CPA6: variants seen among roughly 807,000 people sequenced by gnomAD.
CPA6 encodes the protein carboxypeptidase B.
CPA6 carries 58 observed loss-of-function variants against 63.3 expected under a neutral mutation model. That is an observed-to-expected ratio of 0.92 (90% CI 0.74 to 1.14). The LOEUF is 1.14. CPA6 is among the 50% of genes most tolerant of loss of function. The pLI, the probability that CPA6 is intolerant of heterozygous loss-of-function variation, is 0.00. For synonymous variants in CPA6, 185 were observed against 179.0 expected, an observed-to-expected ratio of 1.03 and a Z score of -0.27; for missense variants, 565 against 526.6, an observed-to-expected ratio of 1.07 and a Z score of -0.71.
intron 1 of CPA6, among the ~76,000 whole-genome samples, chr8:67,683,550 C>G (rs756299929): frequency 4.6e-5 from 7 of 152,250 alleles, no homozygotes; most frequent in Non-Finnish European, 8.8e-5. Flanking sequence ...AATCTGACCA[C>G]CATTTATCGA....
chr8:67,554,925 AC>A (rs34429761), intron 2 of CPA6, among the ~76,000 whole-genome samples: 1 of 151,992 alleles, frequency 6.6e-6, no homozygotes, highest in Admixed American at 6.6e-5. Flanking sequence ...CTCCAGAAAC[AC>A]CCCCACAGTC....
intron 2 of CPA6, among the ~76,000 whole-genome samples, chr8:67,604,774 C>T (rs575752636): frequency 8.0e-5 from 12 of 149,294 alleles, no homozygotes; most frequent in East Asian, 5.8e-4. Flanking sequence ...ATCAACTTTG[C>T]GTTTTGTTTG....
At chr8:67,552,885 G>A (rs1812981978) in intron 2 of CPA6, among the ~76,000 whole-genome samples, 1 of 150,444 alleles carries the variant, frequency 6.6e-6, no homozygotes, top group Non-Finnish European at 1.5e-5. Context: ...GTTAAAATAA[G>A]TTCCATTTGT....
intron 8 of CPA6, among the ~76,000 whole-genome samples, chr8:67,445,085 T>C (rs28454760): frequency 0.24 from 36,407 of 152,020 alleles, 4,807 homozygotes; most frequent in African/African-American, 0.35. Context: ...ATGTTATATG[T>C]GCTTAGAGGA....
At chr8:67,621,117 G>A (rs6997587) in intron 2 of CPA6, among the ~76,000 whole-genome samples, 7,962 of 152,278 alleles carry the variant, frequency 0.052, 455 homozygotes, top group African/African-American at 0.14. Flanking sequence ...AACACTGCAT[G>A]TTTGTTGTCA....
chr8:67,673,630 G>A (rs180879634), intron 1 of CPA6, among the ~76,000 whole-genome samples: 7 of 150,864 alleles, frequency 4.6e-5, no homozygotes, highest in Admixed American at 4.6e-4. Flanking sequence ...CTGACCTCAT[G>A]ATCCACCCAC....
At chr8:67,438,415 T>C (rs1401316023) in intron 8 of CPA6, among the ~76,000 whole-genome samples, 2 of 152,128 alleles carry the variant, frequency 1.3e-5, no homozygotes, top group African/African-American at 4.8e-5. Flanking sequence ...GCAACATGAG[T>C]ACTATATCCA....
In CPA6 at chr8:67,518,679, G is replaced by A. The variant is rs566808832; in HGVS notation, c.193-632C>T. Among the ~76,000 whole-genome samples the A allele has an allele frequency of 2.6e-5, 4 of 151,516 alleles. No individual in the cohort carries two copies. The East Asian group carries it at 7.8e-4, about 30-fold the overall frequency. ...ATGCCACCTGGTCCAGCTAATTTTT[G>A]TATTTTTTTTTAGTAGAGACAGGGT... On this transcript the variant is annotated intron_variant, in intron 2 of 10. Transcript: ENST00000297770.
intron 3 of CPA6, among the ~76,000 whole-genome samples, chr8:67,515,706 A>C (rs1587511420): frequency 6.6e-6 from 1 of 152,244 alleles, no homozygotes; most frequent in Non-Finnish European, 1.5e-5. Flanking sequence ...AAGGAGATTC[A>C]GGATGATTCT....
intron 1 of CPA6, among the ~76,000 whole-genome samples, chr8:67,682,492 T>C (rs144251333): frequency 6.6e-6 from 1 of 152,360 alleles, no homozygotes; most frequent in African/African-American, 2.4e-5. Context: ...ACTTATTCTA[T>C]CATTGGTGGC....
chr8:67,670,973 A>G (rs1816330606), intron 1 of CPA6, among the ~76,000 whole-genome samples: 3 of 152,246 alleles, frequency 2.0e-5, no homozygotes, highest in Admixed American at 2.0e-4. Flanking sequence ...ACAAACACAT[A>G]AACTCACATA....
chr8:67,470,422 C>T (rs13251265), intron 8 of CPA6, among the ~76,000 whole-genome samples: 57,759 of 151,818 alleles, frequency 0.38, 11,284 homozygotes, highest in African/African-American at 0.48. Context: ...CTTAGATGAT[C>T]ACATTAAACA....
intron 8 of CPA6, among the ~76,000 whole-genome samples, chr8:67,478,933 A>T (rs867399916): frequency 1.3e-5 from 2 of 152,176 alleles, no homozygotes; most frequent in African/African-American, 4.8e-5. Flanking sequence ...AGGCAGGACA[A>T]TCGCTTGAAC....
chr8:67,517,671 A>T (rs1169976543), intron 3 of CPA6, among the ~76,000 whole-genome samples: 1 of 152,184 alleles, frequency 6.6e-6, no homozygotes, highest in African/African-American at 2.4e-5. Flanking sequence ...TTCTTCACAG[A>T]AAAAGGTCTA....
At chr8:67,631,428 T>C (rs1815326939) in intron 1 of CPA6, among the ~76,000 whole-genome samples, 2 of 152,190 alleles carry the variant, frequency 1.3e-5, no homozygotes, top group South Asian at 4.1e-4. Flanking sequence ...TCAAGGTTTG[T>C]AAACACACCA....
intron 8 of CPA6, among the ~76,000 whole-genome samples, chr8:67,435,730 G>A (rs1208051962): frequency 2.0e-5 from 3 of 152,206 alleles, no homozygotes; most frequent in Admixed American, 2.0e-4. Flanking sequence ...AGATGAAGCA[G>A]TGCCAGAGAG....
In CPA6 at chr8:67,445,539, G is replaced by C. The variant is rs1349953702; in HGVS notation, c.839-11299C>G. Among the ~76,000 whole-genome samples, 6 of 152,176 alleles carry C rather than the reference G, an allele frequency of 3.9e-5. No homozygotes were observed. In the South Asian group the frequency reaches 1.0e-3, roughly 26 times the overall value. On this transcript the variant is annotated intron_variant, in intron 8 of 10. Coordinates refer to ENST00000297770, the MANE Select transcript of CPA6 (RefSeq NM_020361.5). The stretch of plus-strand genomic sequence containing the variant: ...AACATACCAAAATAATATTTAAAAT[G>C]TTTAGAGATGAATTAAACTATAATT...
rs563503067 is a variant in CPA6 at position 67,468,014 on chromosome 8, T to C, written c.838+15754A>G. Among the ~76,000 whole-genome samples, 4 of 150,482 alleles carry C rather than the reference T, an allele frequency of 2.7e-5. No individual in the cohort carries two copies. In the East Asian group the frequency reaches 8.0e-4, roughly 30 times the overall value. On this transcript the variant is annotated intron_variant, in intron 8 of 10. Transcript: ENST00000297770. ...TGGAGGTTGCAGTGAGCCAAGATCA[T>C]GCCACTGCACTCCAGCCTGGGCGAC...
intron 6 of CPA6, among the ~76,000 whole-genome samples, chr8:67,496,839 G>T (rs570174511): frequency 6.6e-6 from 1 of 151,924 alleles, no homozygotes; most frequent in African/African-American, 2.4e-5. Flanking sequence ...GATTACAGGC[G>T]TGAGCCACGG....
Sources: allele counts gnomAD v4.1 joint callset (sites outside exome capture counted in the v4.1 genomes callset), GRCh38; gene constraint gnomAD v4.1.1; transcripts MANE v1.5; gene names NCBI Gene and HGNC (gene_info 2026-07-23, HGNC 2026-07-21).